Variants in CFAP70 observed in about 807,000 individuals in gnomAD.
CFAP70 encodes cilia and flagella associated protein 70, also known as cilia- and flagella-associated protein 70.
In CFAP70, 81 loss-of-function variants were observed where a neutral mutation model predicts 137.6. That is an observed-to-expected ratio of 0.59 (90% CI 0.49 to 0.71). The LOEUF is 0.71. CFAP70 is among the 30% of genes least tolerant of loss of function. The pLI, the probability that CFAP70 is intolerant of heterozygous loss-of-function variation, is 0.00. For missense variants in CFAP70, 976 were observed against 1,226.7 expected (o/e 0.80, Z 3.05); for synonymous variants, 382 against 423.6 (o/e 0.90, Z 1.20).
intron 9 of CFAP70, among the ~76,000 whole-genome samples, chr10:73,316,463 GATATATATATATATATAGATATAGATAT>G (rs200631567): frequency 0.091 from 11,588 of 128,038 alleles, 650 homozygotes; most frequent in East Asian, 0.27. Context: ...CCTTTGTTGA[GATATATATATATATATAGATATAGATAT>G]ATATATATAT....
chr10:73,306,452 G>A (rs1302855583), intron 12 of CFAP70, among the ~76,000 whole-genome samples: 1 of 152,136 alleles, frequency 6.6e-6, no homozygotes, highest in South Asian at 2.1e-4. Flanking sequence ...AACAGCAACA[G>A]AGGTGTGACT....
At chr10:73,361,040 C>A (rs191742008), upstream of CFAP70, among the ~76,000 whole-genome samples, 40 of 151,800 alleles carry the variant, frequency 2.6e-4, no homozygotes, top group African/African-American at 8.7e-4. Flanking sequence ...ACTCTGTAGC[C>A]CAGGCTGGAG....
chr10:73,288,163 C>T (rs1400684263), intron 19 of CFAP70, among the ~76,000 whole-genome samples: 1 of 152,098 alleles, frequency 6.6e-6, no homozygotes, highest in Non-Finnish European at 1.5e-5. Flanking sequence ...TCCCAAAGTG[C>T]TGGGATTACA....
At chr10:73,356,265 C>CT (rs1261100672) in intron 1 of CFAP70, among the ~76,000 whole-genome samples, 2 of 150,492 alleles carry the variant, frequency 1.3e-5, no homozygotes, top group Admixed American at 1.3e-4. Context: ...GTGGTGTGAT[C>CT]ACAGCTCACT....
chr10:73,307,732 T>C (rs1051668829), intron 12 of CFAP70, among the ~76,000 whole-genome samples: 3 of 151,908 alleles, frequency 2.0e-5, no homozygotes, highest in African/African-American at 7.3e-5. Context: ...AACCCCAAAA[T>C]TTATAAAGCA....
intron 12 of CFAP70, among the ~76,000 whole-genome samples, chr10:73,300,596 C>T (rs1424096854): frequency 6.6e-6 from 1 of 152,182 alleles, no homozygotes; most frequent in Non-Finnish European, 1.5e-5. Context: ...GCCATGGTGG[C>T]TCATGCCTGT....
chr10:73,341,312 G>A, intron 6 of CFAP70, 87 bp downstream of exon 7: 1 of 1,171,876 alleles, frequency 8.5e-7, no homozygotes. Context: ...GGTGACAAAT[G>A]TATATAAATT....
At chr10:73,257,194 C>T (rs1369069140) in intron 25 of CFAP70, among the ~76,000 whole-genome samples, 1 of 152,124 alleles carries the variant, frequency 6.6e-6, no homozygotes, top group Non-Finnish European at 1.5e-5. Flanking sequence ...GGATAAGTAA[C>T]TTGCCAGGGT....
At chr10:73,335,552 G>T in intron 6 of CFAP70, 28 bp from the exon 8 acceptor site, 1 of 1,534,984 alleles carries the variant, frequency 6.5e-7, no homozygotes, top group Non-Finnish European at 9.0e-7. Flanking sequence ...TTCTGTTCTC[G>T]GTATGTGTGC....
intron 19 of CFAP70, 133 bp from the exon 21 acceptor site, chr10:73,278,470 T>C (rs1284815373): frequency 1.5e-6 from 1 of 688,670 alleles, no homozygotes; most frequent in Non-Finnish European, 2.3e-6. Flanking sequence ...ACTTGTTTGG[T>C]AGACTTGTTT....
intron 6 of CFAP70, among the ~76,000 whole-genome samples, chr10:73,340,442 A>G (rs1020544183): frequency 6.6e-6 from 1 of 152,220 alleles, no homozygotes; most frequent in Non-Finnish European, 1.5e-5. Flanking sequence ...GAAAAGTACC[A>G]TAAGTTCTCA....
upstream of CFAP70, among the ~76,000 whole-genome samples, chr10:73,359,669 T>A (rs935795532): frequency 1.3e-5 from 2 of 152,102 alleles, no homozygotes; most frequent in African/African-American, 4.8e-5. Context: ...TGACAACTAC[T>A]GAGGAGGATG....
upstream of CFAP70, among the ~76,000 whole-genome samples, chr10:73,361,292 C>A (rs971422870): frequency 7.0e-6 from 1 of 143,462 alleles, no homozygotes; most frequent in African/African-American, 2.7e-5. Flanking sequence ...CCATGCCCGG[C>A]CTTTTTTTTT....
chr10:73,284,960 G>A (rs935968442), intron 19 of CFAP70, among the ~76,000 whole-genome samples: 1 of 151,038 alleles, frequency 6.6e-6, no homozygotes, highest in African/African-American at 2.4e-5. Context: ...CAACTTGTAA[G>A]AGGGTTTGCC....
intron 9 of CFAP70, among the ~76,000 whole-genome samples, chr10:73,317,460 A>T (rs1346211258): frequency 1.3e-5 from 2 of 152,072 alleles, no homozygotes; most frequent in African/African-American, 4.8e-5. Flanking sequence ...CCTGTAAGTG[A>T]TGAGTTGTTT....
intron 26 of CFAP70, 117 bp from the exon 28 acceptor site, chr10:73,254,172 A>T: frequency 1.4e-6 from 1 of 717,714 alleles, no homozygotes; most frequent in Non-Finnish European, 2.1e-6. Flanking sequence ...CTGGGATGGA[A>T]TTGGCTCTTC....
At chr10:73,297,231 C>T (rs41280388) in intron 14 of CFAP70, 58 bp from the exon 16 acceptor site, 23,735 of 1,556,860 alleles carry the variant, frequency 0.015, 245 homozygotes, top group Non-Finnish European at 0.019. Flanking sequence ...GCTGAGAGCA[C>T]GGGTCTCTCT....
chr10:73,333,009 C>A (rs976067797), intron 7 of CFAP70, among the ~76,000 whole-genome samples: 1 of 152,138 alleles, frequency 6.6e-6, no homozygotes, highest in Non-Finnish European at 1.5e-5. Flanking sequence ...ATGTTAAAGA[C>A]TCTTACAGAA....
At chr10:73,273,380 G>C (rs1352148004) in intron 23 of CFAP70, among the ~76,000 whole-genome samples, 1 of 152,208 alleles carries the variant, frequency 6.6e-6, no homozygotes, top group Non-Finnish European at 1.5e-5. Context: ...GTGGTGGCAT[G>C]ACAAACATAC....
Sources: allele counts gnomAD v4.1 joint callset (sites outside exome capture counted in the v4.1 genomes callset), GRCh38; gene constraint gnomAD v4.1.1; transcripts MANE v1.5; gene names NCBI Gene and HGNC (gene_info 2026-07-23, HGNC 2026-07-21).